DNMBP: variants seen among roughly 807,000 people sequenced by gnomAD.
The protein encoded by DNMBP is dynamin binding protein.
DNMBP carries 87 observed loss-of-function variants against 150.0 expected under a neutral mutation model. That is an observed-to-expected ratio of 0.58 (90% CI 0.49 to 0.69). The LOEUF (loss-of-function observed/expected upper bound fraction) is 0.69. Ranked by LOEUF, DNMBP falls within the 30% of genes least tolerant of loss-of-function variation. The probability of loss-of-function intolerance (pLI) is 0.00; values close to 1 mark genes in which losing one functional copy is unlikely to be tolerated. For missense variants in DNMBP, 1,774 were observed against 1,949.0 expected (o/e 0.91, Z 1.69); for synonymous variants, 711 against 750.4 (o/e 0.95, Z 0.86).
rs1439530125 is a variant in DNMBP at position 99,956,463 on chromosome 10, T to C, written c.1011A>G (p.Gln337=). ...CLENTLGVEE[Q]RHETSDHEAE... is the part of the protein sequence containing the mutation. The stretch of plus-strand genomic sequence containing the variant: ...CCTCATGGTCACTGGTTTCATGTCT[T>C]TGTTCCTCTACTCCTAAGGTGTTCT... The change falls in exon 4 of 17, where the codon CAA becomes CAG. Residue 337 remains glutamine (Q), a synonymous_variant. Transcript: ENST00000324109. 2 of 1,614,132 alleles carry C rather than the reference T, an allele frequency of 1.2e-6. No individual in the cohort carries two copies. The highest frequency in any genetic ancestry group is 3.3e-5 in the Admixed American group (2 of 60,020).
Position 99,955,790 on chromosome 10 carries a change from T to C in DNMBP, c.1684A>G (p.Ser562Gly). The C allele has an allele frequency of 6.2e-7, 1 of 1,614,220 alleles. No individual in the cohort carries two copies. The highest frequency in any genetic ancestry group is 1.6e-4 in the Middle Eastern group (1 of 6,062). The stretch of plus-strand genomic sequence containing the variant: ...GGCTCTGTGCCGGGCCCTGCCAAGC[T>C]CTTCTCAAACTCGATCAGCTGTTGT... ...LTQQLIEFEK[S>G]LAGPGTEPDK... Residue 562 changes from serine to glycine, a missense_variant, in exon 4 of 17, where the codon AGC (serine) becomes GGC (glycine). Ser to Gly is a moderately conservative substitution (Grantham distance 56). This residue lies in a region of DNMBP where 1,430 missense variants were observed against 1,492.5 expected (regional missense o/e 0.96). Coordinates refer to ENST00000324109, the MANE Select transcript of DNMBP (RefSeq NM_015221.4).
intron 4 of DNMBP, 68 bp from the exon 5 acceptor site, chr10:99,909,214 C>T: frequency 7.8e-7 from 1 of 1,284,922 alleles, no homozygotes; most frequent in Non-Finnish European, 1.1e-6. Flanking sequence ...CAGTTTGAGG[C>T]AAACAGAACC....
intron 9 of DNMBP, among the ~76,000 whole-genome samples, chr10:99,897,410 G>A (rs1260931247): frequency 1.3e-5 from 2 of 152,146 alleles, no homozygotes; most frequent in Admixed American, 1.3e-4. Context: ...AGTAGAGGTA[G>A]TAAGACATCC....
intron 4 of DNMBP, among the ~76,000 whole-genome samples, chr10:99,919,026 A>G (rs1172266277): frequency 6.6e-6 from 1 of 152,330 alleles, no homozygotes; most frequent in South Asian, 2.1e-4. Flanking sequence ...TTACATGAAA[A>G]GCTCTATTTT....
chr10:99,990,659 A>G (rs191632768), intron 1 of DNMBP, among the ~76,000 whole-genome samples: 31 of 151,758 alleles, frequency 2.0e-4, no homozygotes, highest in Admixed American at 5.3e-4. Context: ...AAGTGTATAT[A>G]TATACACACA....
At chr10:100,003,709 C>A (rs1255388472) in intron 1 of DNMBP, among the ~76,000 whole-genome samples, 3 of 151,888 alleles carry the variant, frequency 2.0e-5, no homozygotes, top group African/African-American at 7.3e-5. Flanking sequence ...ACAACAACAA[C>A]AACAAAAAAC....
intron 4 of DNMBP, among the ~76,000 whole-genome samples, chr10:99,940,192 T>C (rs1267347134): frequency 2.0e-5 from 3 of 152,332 alleles, no homozygotes; most frequent in East Asian, 3.9e-4. Context: ...AATCAATGCA[T>C]GTAGCATTTA....
At chr10:99,961,267 CTTTTTTT>C (rs555063019) in intron 3 of DNMBP, among the ~76,000 whole-genome samples, 7 of 84,756 alleles carry the variant, frequency 8.3e-5, no homozygotes, top group Middle Eastern at 7.2e-3. Flanking sequence ...TTCCCTTTTT[CTTTTTTT>C]TTTTTTTTTT....
Position 99,877,189 on chromosome 10 carries a change from C to T in DNMBP, c.4696G>A (p.Val1566Ile), listed in dbSNP as rs756938617. Residue 1566 changes from valine (V) to isoleucine (I), a missense_variant, in exon 17 of 17, where the codon GTT becomes ATT. By Grantham distance (29) the Val-to-Ile change is conservative. Coordinates refer to ENST00000324109, the MANE Select transcript of DNMBP (RefSeq NM_015221.4). ...GTTTTGCGGATATAATTGGAGGGAA[C>T]GTAGCCCTTCTTCCCGTTAACCTCA... ...LAEVNGKKGY[V>I]PSNYIRKTEY... 4.3e-6 allele frequency: 7 copies of T among 1,613,396 alleles called. No individual in the cohort carries two copies. Among genetic ancestry groups the T allele is most frequent in the African/African-American group, 1.3e-5 (1 of 74,876 alleles).
rs764895879 is a variant in DNMBP at position 99,956,864 on chromosome 10, G to A, written c.610C>T (p.Pro204Ser). 11 of 1,613,942 alleles carry A rather than the reference G, an allele frequency of 6.8e-6. No individual in the cohort carries two copies. In the Admixed American group the frequency reaches 1.5e-4, roughly 22 times the overall value. Residue 204 changes from proline (P) to serine (S), a missense_variant, in exon 4 of 17, where the codon CCC (proline) becomes TCC (serine). By Grantham distance (74) the Pro-to-Ser change is moderately conservative (BLOSUM62 -1). Coordinates refer to ENST00000324109, the MANE Select transcript of DNMBP (RefSeq NM_015221.4). ...ACTGACTCATCCACAGTCCTCAGGGGCCCCAACAGCTCTACAAAACCTTCT... is the reference window on the plus strand; with the variant it reads ...ACTGACTCATCCACAGTCCTCAGGGACCCCAACAGCTCTACAAAACCTTCT... ...FPEGFVELLG[P>S]LRTVDESVSS...
rs532226561 is a variant in DNMBP at position 99,970,971 on chromosome 10, C to CAAAAAAAAAAAAAAAAAAAAAAAAAAAA, written c.145+1008_145+1009insTTTTTTTTTTTTTTTTTTTTTTTTTTTT. On this transcript the variant is annotated intron_variant, in intron 2 of 16. Coordinates refer to ENST00000324109, the MANE Select transcript of DNMBP (RefSeq NM_015221.4). ...TGGGCAACAGAGCAAGACTCCGTCT[C>CAAAAAAAAAAAAAAAAAAAAAAAAAAAA]AAAAAAAAAAAAAAAAAAAAAAAAA... Among the ~76,000 whole-genome samples the CAAAAAAAAAAAAAAAAAAAAAAAAAAAA allele has an allele frequency of 1.7e-3, 56 of 33,196 alleles. 12 individuals carry two copies. The highest frequency in any genetic ancestry group is 2.2e-3 in the Admixed American group (4 of 1,844). The allele number at this position is 33,196 out of a possible 152,430, so 21.8% of individuals were successfully genotyped here.
intron 4 of DNMBP, among the ~76,000 whole-genome samples, chr10:99,949,010 A>AAATG (rs1554868222): frequency 0.015 from 2,302 of 148,720 alleles, 29 homozygotes; most frequent in African/African-American, 0.032. Flanking sequence ...ATAAATAAAT[A>AAATG]AATGCAGAGT....
rs1185356501 is a variant in DNMBP at position 99,957,224 on chromosome 10, G to A, written c.269-19C>T. 5.0e-6 allele frequency: 8 copies of A among 1,591,266 alleles called. No homozygotes were observed. In the African/African-American group the frequency reaches 9.4e-5, roughly 19 times the overall value. ...AGGTCACCTAAAGAAAAGAGGAGCA[G>A]AGATGGTGACCTCAGTCATCACCCA... On this transcript the variant is annotated intron_variant, in intron 3 of 16. Transcript: ENST00000324109.
chr10:99,878,124 T>G (rs2039304946), intron 16 of DNMBP, among the ~76,000 whole-genome samples: 1 of 152,188 alleles, frequency 6.6e-6, no homozygotes, highest in African/African-American at 2.4e-5. Context: ...CTTTTCAGTC[T>G]TTTAGAATTG....
intron 4 of DNMBP, among the ~76,000 whole-genome samples, chr10:99,913,199 G>A (rs1438061059): frequency 6.6e-6 from 1 of 151,874 alleles, no homozygotes; most frequent in African/African-American, 2.4e-5. Flanking sequence ...CCAGCCAGCT[G>A]TGGTGGAAAA....
At chr10:99,921,692 G>GA (rs36012766) in intron 4 of DNMBP, among the ~76,000 whole-genome samples, 16,041 of 140,406 alleles carry the variant, frequency 0.11, 1,012 homozygotes, top group Middle Eastern at 0.24. Flanking sequence ...TGTCTCTACT[G>GA]AAAAAAAAAA....
chr10:99,880,884 G>A (rs1274794293), intron 15 of DNMBP, among the ~76,000 whole-genome samples: 3 of 152,162 alleles, frequency 2.0e-5, no homozygotes, highest in Non-Finnish European at 4.4e-5. Context: ...AGGATTGCTT[G>A]AGCCCAGTTC....
chr10:100,000,272 G>C (rs186107421), intron 1 of DNMBP, among the ~76,000 whole-genome samples: 26 of 152,262 alleles, frequency 1.7e-4, no homozygotes, highest in South Asian at 1.0e-3. Flanking sequence ...GTGAGGCTGG[G>C]GAGGTAAGCA....
chr10:99,888,979 G>T lies in DNMBP; in HGVS notation c.3157-26C>A, dbSNP rs3740059. The T allele has an allele frequency of 3.3e-5, 54 of 1,612,934 alleles. No individual in the cohort carries two copies. In the East Asian group the frequency reaches 1.2e-3, roughly 36 times the overall value. On this transcript the variant is annotated intron_variant, in intron 11 of 16. Transcript: ENST00000324109. The stretch of plus-strand genomic sequence containing the variant: ...CTGGAGCCAGTTAGGACAGACACAA[G>T]TCAGAACAGACAGAACTTTCCAGCT...
Sources: allele counts gnomAD v4.1 joint callset (sites outside exome capture counted in the v4.1 genomes callset), GRCh38; gene constraint gnomAD v4.1.1; regional missense constraint gnomAD v4.1.1; transcripts MANE v1.5; gene names NCBI Gene and HGNC (gene_info 2026-07-23, HGNC 2026-07-21).